The following MUC17 variants were observed in gnomAD, a reference collection of about 807,000 sequenced individuals.
The protein encoded by MUC17 is mucin 17, cell surface associated, also known as mucin-17.
A neutral mutation model predicts 170.3 loss-of-function variants in MUC17; 190 were observed. That is an observed-to-expected ratio of 1.12 (90% CI 0.99 to 1.26). MUC17 has a LOEUF of 1.26. MUC17 is among the 50% of genes most tolerant of loss of function. MUC17 has a pLI of 0.00. For synonymous variants in MUC17, 2,325 were observed against 2,002.5 expected (o/e 1.16, Z -4.30); for missense variants, 6,415 against 5,530.0 (o/e 1.16, Z -5.08).
Position 101,058,136 on chromosome 7 carries a change from C to G in MUC17, c.*92C>G. Reference sequence around the variant, plus strand: ...CCATTGAGAGCCTTCCATGGGAACTCAATGTTCCCATTGTAAGTACAGGAA... The same window carrying G: ...CCATTGAGAGCCTTCCATGGGAACTGAATGTTCCCATTGTAAGTACAGGAA... On this transcript the variant is annotated 3_prime_UTR_variant, in exon 13 of 13. Transcript: ENST00000306151. The G allele has an allele frequency of 4.4e-6, 5 of 1,126,998 alleles. No homozygotes were observed. The highest frequency in any genetic ancestry group is 6.7e-6 in the Non-Finnish European group (5 of 742,120). The allele number at this position is 1,126,998 out of a possible 1,614,324, so 69.8% of individuals were successfully genotyped here.
Position 101,056,197 on chromosome 7 carries a change from A to T in MUC17, c.13367A>T (p.Asp4456Val). 6.2e-7 allele frequency: 1 copy of T among 1,613,956 alleles called. No individual in the cohort carries two copies. The highest frequency in any genetic ancestry group is 8.5e-7 in the Non-Finnish European group (1 of 1,179,870). Reference sequence around the variant, plus strand: ...GTGCTTTCCATCCCTCCACAAGATGATGATTCCATCCACCTGGAGTCCATC... The same window carrying T: ...GTGCTTTCCATCCCTCCACAAGATGTTGATTCCATCCACCTGGAGTCCATC... ...QNIGFDICQD[D>V]DSIHLESIYS... Residue 4456 changes from aspartate to valine, a missense_variant, in exon 12 of 13, where the codon GAT becomes GTT. Asp to Val is a radical substitution (Grantham distance 152). Coordinates refer to ENST00000306151, the MANE Select transcript of MUC17 (RefSeq NM_001040105.2).
intron 3 of MUC17, 108 bp downstream of exon 3, chr7:101,043,927 G>C: frequency 1.9e-6 from 2 of 1,047,226 alleles, no homozygotes; most frequent in Non-Finnish European, 2.7e-6. Flanking sequence ...TGCCATGTTG[G>C]TTTGCTGCAC....
Position 101,041,709 on chromosome 7 carries a change from CA to C in MUC17, c.10294del (p.Thr3432LeufsTer58). 6.2e-7 allele frequency: 1 copy of C among 1,613,856 alleles called. No homozygotes were observed. The highest frequency in any genetic ancestry group is 8.5e-7 in the Non-Finnish European group (1 of 1,180,000). Reference protein sequence around the residue: ...TPVDSNTLVTTSTEASSSPTI... With the variant: ...TPVDSNTLVTXSTEASSSPTI... ...CTGTGGACTCCAACACTCTGGTGAC[CA>C]CTTCTACTGAAGCCAGTTCATCTCC... On this transcript the variant is annotated frameshift_variant, in exon 3 of 13. Coordinates refer to ENST00000306151, the MANE Select transcript of MUC17 (RefSeq NM_001040105.2). LOFTEE classifies it high-confidence loss of function.
chr7:101,042,636 C>T lies in MUC17; in HGVS notation c.11220C>T (p.Ser3740=). Residue 3740 remains serine (S), a synonymous_variant, in exon 3 of 13, where the codon AGC becomes AGT. Coordinates refer to ENST00000306151, the MANE Select transcript of MUC17 (RefSeq NM_001040105.2). The part of the protein sequence containing the change: ...EAISSSATLD[S]TTMSVSMPME... Reference sequence around the variant, plus strand: ...TTTCATCTTCTGCAACTCTTGACAGCACCACCATGTCTGTGTCAATGCCCA... The same window carrying T: ...TTTCATCTTCTGCAACTCTTGACAGTACCACCATGTCTGTGTCAATGCCCA... 2 of 1,613,902 alleles carry T rather than the reference C, an allele frequency of 1.2e-6. No individual in the cohort carries two copies. Among genetic ancestry groups the T allele is most frequent in the Non-Finnish European group, 1.7e-6 (2 of 1,180,010 alleles).
At chr7:101,046,082 G>A (rs560121589) in intron 3 of MUC17, among the ~76,000 whole-genome samples, 1 of 152,232 alleles carries the variant, frequency 6.6e-6, no homozygotes, top group African/African-American at 2.4e-5. Flanking sequence ...AGAGATAGAG[G>A]GAGGAGACTG....
chr7:101,040,484 A>C lies in MUC17; in HGVS notation c.9068A>C (p.Glu3023Ala). The C allele has an allele frequency of 1.2e-6, 2 of 1,612,070 alleles. No homozygotes were observed. Among genetic ancestry groups the C allele is most frequent in the Non-Finnish European group, 1.7e-6 (2 of 1,179,212 alleles). Residue 3023 changes from glutamate (E) to alanine (A), a missense_variant, in exon 3 of 13, where the codon GAA (glutamate) becomes GCA (alanine). Coordinates refer to ENST00000306151, the MANE Select transcript of MUC17 (RefSeq NM_001040105.2). ...AGCACACCTGTGACCACTTCTACTG[A>C]AGCCAGTTCCTCTCCTACAACTGCT... ...DTSTPVTTST[E>A]ASSSPTTAEG...
chr7:101,042,972 C>G lies in MUC17; in HGVS notation c.11556C>G (p.Ala3852=). Residue 3852 remains alanine, a synonymous_variant, in exon 3 of 13, where the codon GCC becomes GCG. Transcript: ENST00000306151. ...CACCTTTGCTCACCTCTACCAAAGC[C>G]GGTTCATTCTCCATACCTGCTGAAG... is the stretch of plus-strand genomic sequence containing the variant. ...TSTPLLTSTK[A]GSFSIPAEVT... is the part of the protein sequence containing the mutation. 1 of 1,614,174 alleles carries G rather than the reference C, an allele frequency of 6.2e-7. No homozygotes were observed. The highest frequency in any genetic ancestry group is 1.3e-5 in the African/African-American group (1 of 75,034).
chr7:101,035,401 A>G lies in MUC17; in HGVS notation c.3985A>G (p.Thr1329Ala). The G allele has an allele frequency of 6.2e-7, 1 of 1,607,100 alleles. No homozygotes were observed. The highest frequency in any genetic ancestry group is 8.5e-7 in the Non-Finnish European group (1 of 1,175,446). The change falls in exon 3 of 13, where the codon ACC (threonine) becomes GCC (alanine). Residue 1329 changes from threonine (T) to alanine (A), a missense_variant. Transcript: ENST00000306151. ...ACCTGCTGAAGGTACCAGCATGCCA[A>G]CCTCAACTTATAGTGAAGGAAGAAC... Reference protein sequence around the residue: ...PTPAEGTSMPTSTYSEGRTPL... With the variant: ...PTPAEGTSMPASTYSEGRTPL...
In MUC17 at chr7:101,033,688, C is replaced by A. The variant is rs1191676638; in HGVS notation, c.2272C>A (p.Leu758Met). The A allele has an allele frequency of 6.2e-6, 10 of 1,613,444 alleles. No homozygotes were observed. The highest frequency in any genetic ancestry group is 7.6e-6 in the Non-Finnish European group (9 of 1,179,648). ...AACAAGTATGCCTGTCAGCAAAACG[C>A]TGTTGACCAGTTCTGAGGCTAGCAC... ...PLTSMPVSKT[L>M]LTSSEASTLS... Residue 758 changes from leucine (L) to methionine (M), a missense_variant, in exon 3 of 13, where the codon CTG becomes ATG. By Grantham distance (15) the Leu-to-Met change is conservative. Coordinates refer to ENST00000306151, the MANE Select transcript of MUC17 (RefSeq NM_001040105.2).
At position 101,049,354 on chromosome 7, in the gene MUC17, T is replaced by A. The variant is rs1562822557; in HGVS notation, c.12694T>A (p.Tyr4232Asn). Reference protein sequence around the residue: ...MNIVYSGIPEYVGVNITKLRL... With the variant: ...MNIVYSGIPENVGVNITKLRL... ...TATTGTGTATTCCGGGATCCCTGAG[T>A]ATGTCGGGGTGAACATCACAAAGCT... The change falls in exon 6 of 13, where the codon TAT becomes AAT. Residue 4232 changes from tyrosine (Y) to asparagine (N), a missense_variant. Transcript: ENST00000306151. The A allele has an allele frequency of 6.2e-7, 1 of 1,613,668 alleles. No homozygotes were observed. Among genetic ancestry groups the A allele is most frequent in the Non-Finnish European group, 8.5e-7 (1 of 1,179,812 alleles).
intron 1 of MUC17, among the ~76,000 whole-genome samples, 196 bp from the exon 2 acceptor site, chr7:101,030,924 T>C (rs970689319): frequency 1.3e-5 from 2 of 152,332 alleles, no homozygotes; most frequent in Admixed American, 1.3e-4. Context: ...TCCTCCAGGC[T>C]GGGGAGCAAA....
intron 1 of MUC17, among the ~76,000 whole-genome samples, chr7:101,020,735 A>T (rs938833888): frequency 1.3e-5 from 2 of 152,132 alleles, no homozygotes; most frequent in Non-Finnish European, 2.9e-5. Flanking sequence ...TAATCCTGCC[A>T]TGAACCAGCT....
In MUC17 at chr7:101,037,537, G is replaced by A. The variant is rs865953839; in HGVS notation, c.6121G>A (p.Glu2041Lys). The change falls in exon 3 of 13, where the codon GAA (glutamate) becomes AAA (lysine). Residue 2041 changes from glutamate to lysine, a missense_variant. Glu to Lys is a moderately conservative substitution (Grantham distance 56). Transcript: ENST00000306151. ...GTSIQTSTPS[E>K]RTTPLAGMPV... ...CAGCATACAAACCTCAACTCCTAGT[G>A]AACGGACCACTCCATTAGCAGGTAT... 3 of 1,613,952 alleles carry A rather than the reference G, an allele frequency of 1.9e-6. No homozygotes were observed. The highest frequency in any genetic ancestry group is 2.2e-5 in the South Asian group (2 of 91,066).
chr7:101,042,003 G>C lies in MUC17; in HGVS notation c.10587G>C (p.Val3529=). ...ATATGCCTGTCAGCACCACACCGGTGGCCAGTTCTGAGGCTAGCACCCTTT... is the reference window on the plus strand; with the variant it reads ...ATATGCCTGTCAGCACCACACCGGTCGCCAGTTCTGAGGCTAGCACCCTTT... ...LTNMPVSTTP[V]ASSEASTLST... Residue 3529 remains valine (V), a synonymous_variant, in exon 3 of 13, where the codon GTG becomes GTC. Coordinates refer to ENST00000306151, the MANE Select transcript of MUC17 (RefSeq NM_001040105.2). The C allele has an allele frequency of 6.2e-7, 1 of 1,613,564 alleles. No individual in the cohort carries two copies. The highest frequency in any genetic ancestry group is 1.3e-5 in the African/African-American group (1 of 74,958).
Position 101,038,389 on chromosome 7 carries a change from G to C in MUC17, c.6973G>C (p.Gly2325Arg). Residue 2325 changes from glycine to arginine, a missense_variant, in exon 3 of 13, where the codon GGT (glycine) becomes CGT (arginine). Gly to Arg is a moderately radical substitution (Grantham distance 125). Transcript: ENST00000306151. ...CAGTTCACCTCCTCCCACTGCTGAAGGTACCAGCATGCCAACCTCAACTTC... is the reference window on the plus strand; with the variant it reads ...CAGTTCACCTCCTCCCACTGCTGAACGTACCAGCATGCCAACCTCAACTTC... ...EASSPPPTAE[G>R]TSMPTSTSSE... 6.2e-7 allele frequency: 1 copy of C among 1,613,922 alleles called. No individual in the cohort carries two copies. The highest frequency in any genetic ancestry group is 2.2e-5 in the East Asian group (1 of 44,832).
intron 11 of MUC17, among the ~76,000 whole-genome samples, chr7:101,055,668 T>C: frequency 6.6e-6 from 1 of 152,070 alleles, no homozygotes; most frequent in East Asian, 1.9e-4. Context: ...CTTAATACAA[T>C]ACAGAACACC....
In MUC17 at chr7:101,035,411, A is replaced by G; in HGVS notation, c.3995A>G (p.Tyr1332Cys). Residue 1332 changes from tyrosine to cysteine, a missense_variant, in exon 3 of 13, where the codon TAT becomes TGT. By Grantham distance (194) the Tyr-to-Cys change is radical. Coordinates refer to ENST00000306151, the MANE Select transcript of MUC17 (RefSeq NM_001040105.2). The stretch of plus-strand genomic sequence containing the variant: ...GGTACCAGCATGCCAACCTCAACTT[A>G]TAGTGAAGGAAGAACTCCTTTAACA... ...AEGTSMPTST[Y>C]SEGRTPLTSI... 1 of 1,604,444 alleles carries G rather than the reference A, an allele frequency of 6.2e-7. No homozygotes were observed. The highest frequency in any genetic ancestry group is 8.5e-7 in the Non-Finnish European group (1 of 1,174,466).
intron 11 of MUC17, 34 bp from the exon 12 acceptor site, chr7:101,056,160 C>G: frequency 6.2e-7 from 1 of 1,613,192 alleles, no homozygotes; most frequent in Non-Finnish European, 8.5e-7. Flanking sequence ...CTTCTAACCT[C>G]CTGTTTCCAT....
intron 7 of MUC17, 49 bp from the exon 8 acceptor site, chr7:101,051,564 A>C: frequency 6.3e-7 from 1 of 1,592,250 alleles, no homozygotes; most frequent in Non-Finnish European, 8.6e-7. Flanking sequence ...CTGAGGACGC[A>C]GAACAAGCGT....
Sources: allele counts gnomAD v4.1 joint callset (sites outside exome capture counted in the v4.1 genomes callset), GRCh38; gene constraint gnomAD v4.1.1; transcripts MANE v1.5; gene names NCBI Gene and HGNC (gene_info 2026-07-23, HGNC 2026-07-21).